Variants in HEPH observed in about 807,000 individuals in gnomAD.
HEPH encodes the protein hephaestin.
Under a neutral mutation model 80.8 loss-of-function variants are expected in HEPH, and 69 were observed. The observed-to-expected ratio is 0.85, with a 90% CI of 0.70 to 1.04. HEPH has a LOEUF of 1.04. Ranked by LOEUF, HEPH falls within the 50% of genes least tolerant of loss-of-function variation. HEPH has a pLI of 0.00. For synonymous variants in HEPH, 431 were observed against 322.8 expected (o/e 1.34, Z -3.60); for missense variants, 1,115 against 891.3 (o/e 1.25, Z -3.20).
At chrX:66,216,185 T>C (rs1197146745) in intron 15 of HEPH, among the ~76,000 whole-genome samples, 1 of 110,955 alleles carries the variant, frequency 9.0e-6, no homozygotes, top group Admixed American at 9.6e-5. Context: ...TGAACACTTA[T>C]CCAAAGGCGA....
intron 15 of HEPH, among the ~76,000 whole-genome samples, chrX:66,219,345 T>C (rs748794114): frequency 1.8e-5 from 2 of 112,258 alleles, no homozygotes; most frequent in Admixed American, 9.4e-5. Context: ...TATTTCTAAC[T>C]ATGTCTTCAA....
At chrX:66,179,600 T>A (rs1160539538) in intron 4 of HEPH, among the ~76,000 whole-genome samples, 1 of 111,676 alleles carries the variant, frequency 9.0e-6, no homozygotes, top group Non-Finnish European at 1.9e-5. Flanking sequence ...ATAGTTTAAA[T>A]CCACTGTTTC....
intron 14 of HEPH, among the ~76,000 whole-genome samples, chrX:66,207,676 C>T (rs758734284): frequency 1.2e-3 from 135 of 111,074 alleles, no homozygotes; most frequent in African/African-American, 4.2e-3. Context: ...TTCATTGTAC[C>T]GCTGTTTAAT....
At chrX:66,204,893 G>A (rs923836549) in intron 13 of HEPH, among the ~76,000 whole-genome samples, 3 of 111,407 alleles carry the variant, frequency 2.7e-5, no homozygotes, top group Admixed American at 1.9e-4. Context: ...ATTCAGGTAG[G>A]GCCCAAGTGA....
At chrX:66,175,671 C>A (rs2086770690) in intron 4 of HEPH, among the ~76,000 whole-genome samples, 1 of 111,470 alleles carries the variant, frequency 9.0e-6, no homozygotes, top group Admixed American at 9.6e-5. Context: ...TTTGTGTCAT[C>A]CATGATTTTT....
intron 4 of HEPH, among the ~76,000 whole-genome samples, chrX:66,177,149 T>C (rs1426334679): frequency 9.0e-6 from 1 of 111,548 alleles, no homozygotes; most frequent in African/African-American, 3.3e-5. Context: ...CATCAAAAAG[T>C]GGGCGAAGGA....
rs2089095898 is a variant in HEPH, at chrX:66,211,171, G to GAATTT, written c.2563+2928_2563+2929insTTAAT. Among the ~76,000 whole-genome samples, 4 of 111,207 alleles carry GAATTT rather than the reference G, an allele frequency of 3.6e-5. No individual in the cohort carries two copies. The South Asian group carries it at 1.5e-3, about 42-fold the overall frequency. ...GTAAAGTGACAATGGCATCAGCTGA[G>GAATTT]AATGAAACTTTGGAACATACTATTA... On this transcript the variant is annotated intron_variant, in intron 15 of 20. Coordinates refer to ENST00000343002, the MANE Select transcript of HEPH (RefSeq NM_001367233.3).
upstream of HEPH, chrX:66,162,920 T>C (rs1602166568): frequency 1.8e-6 from 2 of 1,105,719 alleles, no homozygotes; most frequent in African/African-American, 3.7e-5. Flanking sequence ...CCTGTCCCCT[T>C]CCTATACCTG....
At chrX:66,248,995 G>A (rs773615011) in intron 15 of HEPH, among the ~76,000 whole-genome samples, 1 of 111,511 alleles carries the variant, frequency 9.0e-6, no homozygotes, top group African/African-American at 3.3e-5. Context: ...AGGTGGGTGT[G>A]CTGGTGTAGG....
Position 66,247,598 on chromosome X carries a change from T to C in HEPH, c.2564-7437T>C, listed in dbSNP as rs145542836. Among the ~76,000 whole-genome samples, 929 of 111,739 alleles carry C rather than the reference T, an allele frequency of 8.3e-3. 14 individuals carry two copies. Among genetic ancestry groups the C allele is most frequent in the African/African-American group, 0.028 (852 of 30,780 alleles). On this transcript the variant is annotated intron_variant, in intron 15 of 20. Transcript: ENST00000343002. ...CTTTACTTTTTATTTATGTTTTCAG[T>C]TCTTTAAGCATACTTAAGCAGCTGT...
rs892638078 is a variant in HEPH at position 66,225,691 on chromosome X, T to A, written c.2563+17445T>A. ...TGGCAAGGCATTCCACTGGGGCAAT[T>A]GCCTACTTGGGAGCACTCTCAGGAT... On this transcript the variant is annotated intron_variant, in intron 15 of 20. Coordinates refer to ENST00000343002, the MANE Select transcript of HEPH (RefSeq NM_001367233.3). 2.7e-5 allele frequency among the ~76,000 whole-genome samples: 3 copies of A among 112,436 alleles called. No homozygotes were observed. The Admixed American group carries it at 2.8e-4, about 11-fold the overall frequency.
chrX:66,229,233 G>A (rs760473929), intron 15 of HEPH, among the ~76,000 whole-genome samples: 1 of 112,156 alleles, frequency 8.9e-6, no homozygotes, highest in Non-Finnish European at 1.9e-5. Context: ...TATAGATATA[G>A]ATGTAGATAT....
chrX:66,193,992 G>A (rs1399994069), intron 8 of HEPH, among the ~76,000 whole-genome samples: 2 of 111,515 alleles, frequency 1.8e-5, no homozygotes, highest in African/African-American at 3.3e-5. Context: ...GGCTATATAA[G>A]GAAGTAAGAC....
chrX:66,246,498 G>A (rs1043030815), intron 15 of HEPH, among the ~76,000 whole-genome samples: 2 of 110,962 alleles, frequency 1.8e-5, no homozygotes, highest in Non-Finnish European at 3.8e-5. Context: ...TCTATTCTGT[G>A]GCCTAAGACT....
At chrX:66,194,050 T>C (rs193236735) in intron 8 of HEPH, among the ~76,000 whole-genome samples, 1 of 111,588 alleles carries the variant, frequency 9.0e-6, no homozygotes. Flanking sequence ...TGGCATGACA[T>C]GCAGACATAC....
Position 66,266,661 on chromosome X carries a change from T to C in HEPH, c.3466T>C (p.Phe1156Leu), listed in dbSNP as rs772884840. 3 of 1,193,503 alleles carry C rather than the reference T, an allele frequency of 2.5e-6. No homozygotes were observed. Among genetic ancestry groups the C allele is most frequent in the Non-Finnish European group, 3.4e-6 (3 of 879,956 alleles). The change falls in exon 21 of 21, where the codon TTC (phenylalanine) becomes CTC (leucine). Residue 1156 changes from phenylalanine (F) to leucine (L), a missense_variant. Coordinates refer to ENST00000343002, the MANE Select transcript of HEPH (RefSeq NM_001367233.3). ...ILDDSFKLLS[F>L]KQ Reference sequence around the variant, plus strand: ...GGATGACAGCTTCAAGCTTCTGTCTTTCAAACAGTAACATCTGGAGCCTGG... The same window carrying C: ...GGATGACAGCTTCAAGCTTCTGTCTCTCAAACAGTAACATCTGGAGCCTGG...
intron 13 of HEPH, among the ~76,000 whole-genome samples, chrX:66,206,339 CTTTTTTTTTTTTTTTTTTTTTT>C (rs760184190): frequency 2.4e-3 from 34 of 14,080 alleles, no homozygotes; most frequent in South Asian, 0.014. Flanking sequence ...AACCTGCCAT[CTTTTTTTTTTTTTTTTTTTTTT>C]TTTTTTTTTT....
chrX:66,193,401 T>A, intron 7 of HEPH, 101 bp from the exon 8 acceptor site: 1 of 513,301 alleles, frequency 1.9e-6, no homozygotes, highest in Non-Finnish European at 3.0e-6. Context: ...CTGAGGTCCT[T>A]CCTAAATATA....
intron 15 of HEPH, among the ~76,000 whole-genome samples, chrX:66,246,771 G>A (rs1266876855): frequency 3.6e-5 from 4 of 111,745 alleles, no homozygotes; most frequent in African/African-American, 9.8e-5. Flanking sequence ...GATTTCTGTA[G>A]CCCTGCTACC....
Sources: allele counts gnomAD v4.1 joint callset (sites outside exome capture counted in the v4.1 genomes callset), GRCh38; gene constraint gnomAD v4.1.1; transcripts MANE v1.5; gene names NCBI Gene and HGNC (gene_info 2026-07-23, HGNC 2026-07-21).